RSRP1: variants seen among roughly 807,000 people sequenced by gnomAD.
RSRP1 encodes arginine and serine rich protein 1.
Under a neutral mutation model 33.0 loss-of-function variants are expected in RSRP1, and 37 were observed. That is an observed-to-expected ratio of 1.12 (90% CI 0.86 to 1.48). The LOEUF is 1.48. RSRP1 is among the 40% of genes most tolerant of loss of function. RSRP1 has a pLI of 0.00. For missense variants in RSRP1, 402 were observed against 385.3 expected (o/e 1.04, Z -0.36); for synonymous variants, 167 against 158.7 (o/e 1.05, Z -0.40).
chr1:25,284,965 C>T lies in RSRP1; in HGVS notation c.-66-37936G>A, dbSNP rs112019983. Among the ~76,000 whole-genome samples the T allele has an allele frequency of 4.3e-4, 58 of 135,036 alleles. 4 individuals carry two copies. The East Asian group carries it at 0.01, about 23-fold the overall frequency. The allele number at this position is 135,036 out of a possible 152,430, so 88.6% of individuals were successfully genotyped here. On this transcript the variant is annotated intron_variant, in intron 1 of 1. Transcript: ENST00000561867. ...TGTATTTTACTGGACAGCCCTACTC[C>T]GTGTATCACAAGGAATCCAGGCCTA...
rs1373089112 is a variant in RSRP1, at chr1:25,307,131, G to T, written c.-67+30847C>A. 1.5e-5 allele frequency among the ~76,000 whole-genome samples: 2 copies of T among 132,638 alleles called. 1 individual carries two copies. The highest frequency in any genetic ancestry group is 5.2e-5 in the African/African-American group (2 of 38,524). 87.0% of individuals were successfully genotyped at this position (132,638 alleles called of 152,430 possible). ...CTTTCTCAGCCTCAGTCGCCCCATTGTAAATGGAGATAATGATACTATCTC... is the reference window on the plus strand; with the variant it reads ...CTTTCTCAGCCTCAGTCGCCCCATTTTAAATGGAGATAATGATACTATCTC... On this transcript the variant is annotated intron_variant, in intron 1 of 1. Transcript: ENST00000561867.
rs1364614729 is a variant in RSRP1, at chr1:25,287,641, T to C, written c.-66-40612A>G. ...TCTTATTCAACGTTGTTGTTTGTTT[T>C]CCTCACATACTGATAACTTAGCAAA... On this transcript the variant is annotated intron_variant, in intron 1 of 1. Coordinates refer to the RSRP1 transcript ENST00000561867. 6.6e-5 allele frequency among the ~76,000 whole-genome samples: 9 copies of C among 135,520 alleles called. 2 individuals are homozygous for C. The highest frequency in any genetic ancestry group is 7.4e-3 in the Middle Eastern group (2 of 272). 88.9% of individuals were successfully genotyped at this position (135,520 alleles called of 152,430 possible).
intron 1 of RSRP1, among the ~76,000 whole-genome samples, chr1:25,278,700 A>T (rs1641224684): frequency 7.6e-6 from 1 of 131,288 alleles, no homozygotes; most frequent in Admixed American, 7.4e-5. Context: ...CCCCATCCCC[A>T]CCCCATATTC....
At chr1:25,269,945 G>A (rs936970449) in intron 1 of RSRP1, among the ~76,000 whole-genome samples, 2 of 131,722 alleles carry the variant, frequency 1.5e-5, no homozygotes, top group African/African-American at 5.2e-5. Context: ...TCAGGTCCGG[G>A]GGTTGGCATT....
rs1218357105 is a variant in RSRP1 at position 25,246,907 on chromosome 1, G to A, written c.57C>T (p.Pro19=). The change falls in exon 2 of 5, where the codon CCC becomes CCT. Residue 19 remains proline, a synonymous_variant. Coordinates refer to ENST00000243189, the MANE Select transcript of RSRP1 (RefSeq NM_020317.5). The part of the protein sequence containing the change: ...WPGSPQEKDS[P]STSRSGGSSR... ...TGGACCCGCCCGACCGCGAGGTCGA[G>A]GGCGAATCCTTCTCCTGCGGCGAGC... 7 of 1,600,250 alleles carry A rather than the reference G, an allele frequency of 4.4e-6. No homozygotes were observed. Among genetic ancestry groups the A allele is most frequent in the Non-Finnish European group, 5.1e-6 (6 of 1,170,974 alleles).
intron 1 of RSRP1, among the ~76,000 whole-genome samples, chr1:25,305,223 G>A (rs1482709302): frequency 7.7e-6 from 1 of 130,528 alleles, no homozygotes; most frequent in Non-Finnish European, 1.8e-5. Context: ...GGCACAGTGT[G>A]TATGAAAGCT....
rs1352564224 is a variant in RSRP1 at position 25,321,649 on chromosome 1, G to A, written c.-67+16329C>T. On this transcript the variant is annotated intron_variant, in intron 1 of 1. Coordinates refer to the RSRP1 transcript ENST00000561867. ...CACGCCATTGTACTCCAGCCTGGGC[G>A]ATAGAGTGAGACTCTGTCTCAAAAT... 1.1e-4 allele frequency among the ~76,000 whole-genome samples: 10 copies of A among 89,100 alleles called. 1 individual carries two copies. The highest frequency in any genetic ancestry group is 4.2e-4 in the South Asian group (1 of 2,384). The allele number at this position is 89,100 out of a possible 152,430, so 58.5% of individuals were successfully genotyped here.
chr1:25,259,133 A>G (rs1640044306), intron 1 of RSRP1, among the ~76,000 whole-genome samples: 1 of 151,404 alleles, frequency 6.6e-6, no homozygotes, highest in Non-Finnish European at 1.5e-5. Context: ...TTACTCTGTC[A>G]CCCAGGCTAG....
intron 1 of RSRP1, chr1:25,306,655 C>T: frequency 1.5e-6 from 2 of 1,378,650 alleles, no homozygotes; most frequent in East Asian, 2.2e-5. Context: ...ACAACTTCAG[C>T]TTGCTGGGTC....
At chr1:25,257,597 A>ATTTTT (rs71712758) in intron 1 of RSRP1, among the ~76,000 whole-genome samples, 1 of 131,218 alleles carries the variant, frequency 7.6e-6, no homozygotes, top group African/African-American at 2.9e-5. Flanking sequence ...GGAGATGCAG[A>ATTTTT]TTTTTTTTTT....
chr1:25,334,094 T>C (rs561816186), intron 1 of RSRP1, among the ~76,000 whole-genome samples: 1 of 130,770 alleles, frequency 7.6e-6, no homozygotes, highest in East Asian at 2.0e-4. Context: ...AAGTCCACAG[T>C]CTAATGTCTC....
upstream of RSRP1, among the ~76,000 whole-genome samples, chr1:25,251,448 C>T (rs1252180097): frequency 2.0e-5 from 3 of 152,006 alleles, no homozygotes; most frequent in Non-Finnish European, 4.4e-5. Context: ...TGGCTTACTG[C>T]AACCTCTGCC....
rs1644745575 is a variant in RSRP1, at chr1:25,322,176, T to C, written c.-67+15802A>G. Among the ~76,000 whole-genome samples the C allele has an allele frequency of 1.5e-5, 2 of 131,442 alleles. 1 individual carries two copies. The highest frequency in any genetic ancestry group is 3.6e-5 in the Non-Finnish European group (2 of 55,442). The allele number at this position is 131,442 out of a possible 152,430, so 86.2% of individuals were successfully genotyped here. On this transcript the variant is annotated intron_variant, in intron 1 of 1. Coordinates refer to the RSRP1 transcript ENST00000561867. ...GTGGTAAAGGTCACCATTTCCCTGATACCTCAAATTCATTCAGAGTCAGGG... is the reference window on the plus strand; with the variant it reads ...GTGGTAAAGGTCACCATTTCCCTGACACCTCAAATTCATTCAGAGTCAGGG...
intron 4 of RSRP1, 42 bp from the exon 5 acceptor site, chr1:25,242,747 G>T: frequency 7.5e-7 from 1 of 1,325,604 alleles, no homozygotes; most frequent in Non-Finnish European, 1.1e-6. Context: ...AACATACATT[G>T]TACACTTTTT....
In RSRP1 at chr1:25,303,604, C is replaced by A. The variant is rs1643570822; in HGVS notation, c.-67+34374G>T. ...TGGCTTCAACGCCTAGTGAGGGATCCATCCTGGCTCGGTGGCGCATTTGTT... is the reference window on the plus strand; with the variant it reads ...TGGCTTCAACGCCTAGTGAGGGATCAATCCTGGCTCGGTGGCGCATTTGTT... On this transcript the variant is annotated intron_variant, in intron 1 of 1. Transcript: ENST00000561867. 8.8e-6 allele frequency: 8 copies of A among 907,396 alleles called. No individual in the cohort carries two copies. In the Admixed American group the frequency reaches 1.5e-4, roughly 18 times the overall value. 56.2% of individuals were successfully genotyped at this position (907,396 alleles called of 1,614,324 possible). A position where few individuals can be genotyped will look rare whatever the true frequency, so the allele number is the denominator to read the frequency against.
At position 25,277,074 on chromosome 1, in the gene RSRP1, A is replaced by T. The variant is rs564538376; in HGVS notation, c.-66-30045T>A. ...AGAGCGAGACTCCGTCTAAAAAAAAATGAAAATAAAAATAAATGAAACATA... is the reference window on the plus strand; with the variant it reads ...AGAGCGAGACTCCGTCTAAAAAAAATTGAAAATAAAAATAAATGAAACATA... On this transcript the variant is annotated intron_variant, in intron 1 of 1. Transcript: ENST00000561867. Among the ~76,000 whole-genome samples, 5 of 132,878 alleles carry T rather than the reference A, an allele frequency of 3.8e-5. No individual in the cohort carries two copies. The South Asian group carries it at 9.2e-4, about 24-fold the overall frequency. The allele number at this position is 132,878 out of a possible 152,430, so 87.2% of individuals were successfully genotyped here. A position where few individuals can be genotyped will look rare whatever the true frequency, so the allele number is the denominator to read the frequency against.
At chr1:25,300,804 G>C in intron 1 of RSRP1, 1 of 968,600 alleles carries the variant, frequency 1.0e-6, no homozygotes, top group Non-Finnish European at 1.6e-6. Context: ...TGCTGGGTTG[G>C]GCTGGGTAAG....
upstream of RSRP1, chr1:25,247,588 C>T (rs991544690): frequency 1.3e-5 from 2 of 152,314 alleles, no homozygotes; most frequent in Non-Finnish European, 2.9e-5. Context: ...CAAGCCGCGC[C>T]CTGTGCCTCG....
intron 1 of RSRP1, chr1:25,321,951 G>C (rs1644734800): frequency 7.6e-7 from 1 of 1,323,368 alleles, no homozygotes; most frequent in Non-Finnish European, 1.1e-6. Flanking sequence ...TGATGACCAA[G>C]TTTTCTGGAA....
Sources: gnomAD v4.1 joint callset for allele counts (sites outside exome capture counted in the v4.1 genomes callset) on GRCh38, gnomAD v4.1.1 for gene constraint, MANE v1.5 for transcripts, NCBI Gene and HGNC (gene_info 2026-07-23, HGNC 2026-07-21) for gene names.